TRPA1: variants seen among roughly 807,000 people sequenced by gnomAD.
TRPA1 encodes ankyrin-like with transmembrane domains 1.
Under a neutral mutation model 131.3 loss-of-function variants are expected in TRPA1, and 129 were observed. The ratio of observed to expected loss-of-function variants is 0.98; its 90% confidence interval spans 0.85 to 1.14. TRPA1 has a LOEUF of 1.14. Among genes scored for constraint, TRPA1 ranks in the 50% most tolerant of loss-of-function variants. The probability of loss-of-function intolerance (pLI) is 0.00; values close to 1 mark genes in which losing one functional copy is unlikely to be tolerated. For missense variants in TRPA1, 1,304 were observed against 1,354.2 expected, an observed-to-expected ratio of 0.96 and a Z score of 0.58; for synonymous variants, 441 against 451.7, an observed-to-expected ratio of 0.98 and a Z score of 0.30.
chr8:72,057,824 TCAAA>T lies in TRPA1; in HGVS notation c.994-12_994-9del, dbSNP rs766453334. The T allele has an allele frequency of 3.1e-6, 5 of 1,598,580 alleles. No homozygotes were observed. The African/African-American group carries it at 4.0e-5, about 13-fold the overall frequency. Reference sequence around the variant, plus strand: ...CTTATTAATATCTGCTCCCTAAAAATCAAACAAACCATTCAACAAAGAGCTTAGA... The same window carrying T: ...CTTATTAATATCTGCTCCCTAAAAATCAAACCATTCAACAAAGAGCTTAGA... On this transcript the variant is annotated splice_polypyrimidine_tract_variant and intron_variant, in intron 8 of 26. Coordinates refer to ENST00000262209, the MANE Select transcript of TRPA1 (RefSeq NM_007332.3).
intron 23 of TRPA1, among the ~76,000 whole-genome samples, chr8:72,030,939 G>C (rs897185284): frequency 2.6e-5 from 4 of 152,142 alleles, no homozygotes; most frequent in Non-Finnish European, 5.9e-5. Context: ...CTGGTACTTA[G>C]TTCCTGCCTT....
Position 72,063,525 on chromosome 8 carries a change from A to C in TRPA1, c.599T>G (p.Phe200Cys), listed in dbSNP as rs1207624173. The C allele has an allele frequency of 6.2e-7, 1 of 1,613,822 alleles. No individual in the cohort carries two copies. Among genetic ancestry groups the C allele is most frequent in the Non-Finnish European group, 8.5e-7 (1 of 1,179,900 alleles). ...TGAAAATGCAGCTTGGTGAATAGGG[A>C]AACATCCCCATTTATTTGATTTACA... ...KPCKSNKWGC[F>C]PIHQAAFSGS... The change falls in exon 5 of 27, where the codon TTC becomes TGC. Residue 200 changes from phenylalanine (F) to cysteine (C), a missense_variant. Coordinates refer to ENST00000262209, the MANE Select transcript of TRPA1 (RefSeq NM_007332.3).
intron 24 of TRPA1, among the ~76,000 whole-genome samples, chr8:72,028,273 T>G (rs377682843): frequency 1.3e-5 from 2 of 152,370 alleles, no homozygotes; most frequent in East Asian, 3.9e-4. Flanking sequence ...CATCATTTAG[T>G]GCCCTTTGCT....
chr8:72,023,000 T>C lies in TRPA1; in HGVS notation c.3266A>G (p.Asp1089Gly), dbSNP rs748429717. 6.2e-7 allele frequency: 1 copy of C among 1,613,882 alleles called. No homozygotes were observed. The highest frequency in any genetic ancestry group is 1.1e-5 in the South Asian group (1 of 91,076). ...TTCCATCTGCTCTTTCTTAAACCTG[T>C]CTTGAAAAGAACAATGGCTATCATC... is the stretch of plus-strand genomic sequence containing the variant. ...EDDDSHCSFQ[D>G]RFKKEQMEQR... Residue 1089 changes from aspartate to glycine, a missense_variant, in exon 27 of 27, where the codon GAC becomes GGC. Asp to Gly is a moderately conservative substitution (Grantham distance 94). Coordinates refer to ENST00000262209, the MANE Select transcript of TRPA1 (RefSeq NM_007332.3).
chr8:72,084,075 T>C, the TRPA1 span, among the ~76,000 whole-genome samples: 5,841 of 152,214 alleles, frequency 0.038, 378 homozygotes, highest in African/African-American at 0.13. Context: ...TTACAGTCAT[T>C]TTAAATTTTA....
intron 19 of TRPA1, 147 bp downstream of exon 19, chr8:72,038,718 T>C: frequency 1.5e-6 from 1 of 688,228 alleles, no homozygotes; most frequent in Non-Finnish European, 2.3e-6. Flanking sequence ...ACAAAGGATT[T>C]TAGGAGAAAT....
chr8:72,089,821 A>G, the TRPA1 span, among the ~76,000 whole-genome samples: 1 of 152,242 alleles, frequency 6.6e-6, no homozygotes, highest in African/African-American at 2.4e-5. Flanking sequence ...TGGCATTCAG[A>G]TGTATATGTT....
the TRPA1 span, among the ~76,000 whole-genome samples, chr8:72,084,433 G>A: frequency 1.4e-4 from 21 of 144,978 alleles, no homozygotes; most frequent in Admixed American, 1.5e-3. Flanking sequence ...ATTTCTTAGA[G>A]ATTTGATTTT....
chr8:72,036,295 GA>G lies in TRPA1; in HGVS notation c.2547del (p.Leu850PhefsTer16), dbSNP rs1164356418. The G allele has an allele frequency of 6.2e-7, 1 of 1,613,956 alleles. No homozygotes were observed. ...VYFYWMNFLL[Y>X]LQRFENCGIF... ...AATTCAAGCTTGTTTTACCTTTGAAGATACAATAAGAAATTCATCCAATAGA... is the reference window on the plus strand; with the variant it reads ...AATTCAAGCTTGTTTTACCTTTGAAGTACAATAAGAAATTCATCCAATAGA... On this transcript the variant is annotated frameshift_variant, in exon 21 of 27. Coordinates refer to ENST00000262209, the MANE Select transcript of TRPA1 (RefSeq NM_007332.3). LOFTEE classifies it high-confidence loss of function.
At position 72,029,889 on chromosome 8, in the gene TRPA1, C is replaced by A. The variant is rs1384284058; in HGVS notation, c.2937+12G>T. 6.2e-7 allele frequency: 1 copy of A among 1,613,080 alleles called. No homozygotes were observed. On this transcript the variant is annotated intron_variant, in intron 24 of 26. Transcript: ENST00000262209. Reference sequence around the variant, plus strand: ...GATAACACTGTAATAAGTGGGGAGGCACTGCACTTACCTGCATAGCTATCC... The same window carrying A: ...GATAACACTGTAATAAGTGGGGAGGAACTGCACTTACCTGCATAGCTATCC...
intron 17 of TRPA1, among the ~76,000 whole-genome samples, chr8:72,043,685 TTC>T (rs1484272133): frequency 2.6e-5 from 4 of 151,854 alleles, no homozygotes; most frequent in African/African-American, 9.7e-5. Flanking sequence ...AAGTTGGAAT[TTC>T]TGTTTTTAGC....
chr8:72,073,005 A>C (rs186524892), intron 1 of TRPA1, among the ~76,000 whole-genome samples: 2 of 152,192 alleles, frequency 1.3e-5, no homozygotes, highest in Non-Finnish European at 2.9e-5. Context: ...TAAGCCAAGG[A>C]TGTCATTTAG....
chr8:72,022,892 G>A lies in TRPA1; in HGVS notation c.*14C>T. ...TGCACCCCCCATTAGAAGCCTCACTGAAGGTCTGAGGAGCTAAGGCTCAAG... is the reference window on the plus strand; with the variant it reads ...TGCACCCCCCATTAGAAGCCTCACTAAAGGTCTGAGGAGCTAAGGCTCAAG... On this transcript the variant is annotated 3_prime_UTR_variant, in exon 27 of 27. Coordinates refer to ENST00000262209, the MANE Select transcript of TRPA1 (RefSeq NM_007332.3). 5 of 1,611,196 alleles carry A rather than the reference G, an allele frequency of 3.1e-6. No homozygotes were observed. The highest frequency in any genetic ancestry group is 4.2e-6 in the Non-Finnish European group (5 of 1,177,724).
In TRPA1 at chr8:72,049,173, A is replaced by G. The variant is rs560032996; in HGVS notation, c.1905+1605T>C. 7.0e-4 allele frequency among the ~76,000 whole-genome samples: 106 copies of G among 152,276 alleles called. 1 individual carries two copies. Among genetic ancestry groups the G allele is most frequent in the African/African-American group, 2.5e-3 (103 of 41,552 alleles). ...GTCCTTGTTCAATAAATAAAGAACA[A>G]TAAGTGCTAGTAGTACTAATAACCA... On this transcript the variant is annotated intron_variant, in intron 15 of 26. Transcript: ENST00000262209.
At chr8:72,040,242 TA>T (rs1414941614) in intron 17 of TRPA1, among the ~76,000 whole-genome samples, 2 of 152,156 alleles carry the variant, frequency 1.3e-5, no homozygotes, top group Non-Finnish European at 2.9e-5. Context: ...TGACTACTAG[TA>T]TTTATTTAAA....
the TRPA1 span, among the ~76,000 whole-genome samples, chr8:72,087,631 A>AATATATATATATATAT: frequency 6.1e-4 from 89 of 146,402 alleles, no homozygotes; most frequent in African/African-American, 2.2e-3. Context: ...GGATCTATCA[A>AATATATATATATATAT]ATATATATAT....
chr8:72,085,977 C>T, the TRPA1 span, among the ~76,000 whole-genome samples: 7 of 151,930 alleles, frequency 4.6e-5, no homozygotes, highest in African/African-American at 1.2e-4. Flanking sequence ...CTTGGCTCAC[C>T]GCAACCTCTG....
chr8:72,044,242 T>C (rs1343183818), intron 17 of TRPA1, among the ~76,000 whole-genome samples: 1 of 151,666 alleles, frequency 6.6e-6, no homozygotes. Context: ...TAGCTATTGT[T>C]TTTGAGACCT....
chr8:72,032,346 A>G (rs1228610800), intron 23 of TRPA1, among the ~76,000 whole-genome samples: 1 of 152,232 alleles, frequency 6.6e-6, no homozygotes, highest in Admixed American at 6.5e-5. Context: ...CTGCTGCAGC[A>G]ATTTGGATGA....
Sources: gnomAD v4.1 joint callset for allele counts (sites outside exome capture counted in the v4.1 genomes callset) on GRCh38, gnomAD v4.1.1 for gene constraint, MANE v1.5 for transcripts, NCBI Gene and HGNC (gene_info 2026-07-23, HGNC 2026-07-21) for gene names.